KLRG1: variants seen among roughly 807,000 people sequenced by gnomAD.
The protein encoded by KLRG1 is killer cell lectin like receptor G1.
In KLRG1, 16 loss-of-function variants were observed where a neutral mutation model predicts 21.8. That is an observed-to-expected ratio of 0.73 (90% CI 0.50 to 1.11). KLRG1 has a LOEUF of 1.11. Ranked by LOEUF, KLRG1 falls within the 50% of genes most tolerant of loss-of-function variation. The pLI, the probability that KLRG1 is intolerant of heterozygous loss-of-function variation, is 0.00. For synonymous variants in KLRG1, 69 were observed against 75.9 expected (o/e 0.91, Z 0.47); for missense variants, 173 against 218.3 (o/e 0.79, Z 1.31).
At chr12:9,105,833 T>C in the KLRG1 span, among the ~76,000 whole-genome samples, 1 of 152,194 alleles carries the variant, frequency 6.6e-6, no homozygotes, top group Non-Finnish European at 1.5e-5. Flanking sequence ...CCCACCTGTT[T>C]CCATACAAAG....
At chr12:9,080,114 C>T in the KLRG1 span, 21 of 1,588,186 alleles carry the variant, frequency 1.3e-5, no homozygotes, top group African/African-American at 4.0e-5. Context: ...GACAGAAGCT[C>T]GGGCAGATTC....
the KLRG1 span, among the ~76,000 whole-genome samples, chr12:9,131,118 C>T: frequency 6.6e-6 from 1 of 152,126 alleles, no homozygotes; most frequent in East Asian, 1.9e-4. Flanking sequence ...TTTCTCGGCT[C>T]TTTATTCTAT....
chr12:9,029,080 A>T, the KLRG1 span: 4 of 465,828 alleles, frequency 8.6e-6, no homozygotes, highest in Non-Finnish European at 1.6e-5. Context: ...GGAGACTCAG[A>T]CTTAGACATG....
At chr12:9,019,169 A>G in the KLRG1 span, among the ~76,000 whole-genome samples, 4 of 152,240 alleles carry the variant, frequency 2.6e-5, no homozygotes, top group Non-Finnish European at 5.9e-5. Flanking sequence ...GGTATATGAA[A>G]AGGTACTCAA....
the KLRG1 span, chr12:9,072,623 G>A: frequency 1.2e-6 from 2 of 1,609,708 alleles, no homozygotes; most frequent in Admixed American, 1.7e-5. Flanking sequence ...GTCCTCATCT[G>A]TCCTGTCCTC....
the KLRG1 span, among the ~76,000 whole-genome samples, chr12:9,074,329 T>C: frequency 1.3e-5 from 2 of 152,096 alleles, no homozygotes; most frequent in East Asian, 1.9e-4. Context: ...TTATGGGAAA[T>C]AGGAGATGGA....
chr12:8,974,510 T>G (rs1448698159), intron 1 of KLRG1, among the ~76,000 whole-genome samples: 1 of 126,488 alleles, frequency 7.9e-6, no homozygotes, highest in Non-Finnish European at 1.8e-5. Context: ...GCTGTGGGCT[T>G]CTTTATATGG....
the KLRG1 span, among the ~76,000 whole-genome samples, chr12:9,145,709 C>T: frequency 6.6e-6 from 1 of 152,154 alleles, no homozygotes; most frequent in African/African-American, 2.4e-5. Flanking sequence ...CTCTCTTTAG[C>T]ATTTCTGGTA....
At chr12:9,009,342 T>A in intron 4 of KLRG1, 84 bp from the exon 5 acceptor site, 1 of 1,537,124 alleles carries the variant, frequency 6.5e-7, no homozygotes, top group Non-Finnish European at 8.8e-7. Context: ...AGACAGAATT[T>A]GCTTCATTTT....
the KLRG1 span, chr12:9,169,819 T>C: frequency 2.6e-6 from 1 of 380,372 alleles, no homozygotes; most frequent in African/African-American, 2.1e-5. Context: ...AAATCTTAAG[T>C]TATGAAGGAT....
the KLRG1 span, among the ~76,000 whole-genome samples, chr12:9,087,638 G>A: frequency 1.3e-5 from 2 of 152,038 alleles, no homozygotes; most frequent in Admixed American, 1.3e-4. Context: ...TTTCAAACTT[G>A]CTTAGAGAAT....
intron 1 of KLRG1, among the ~76,000 whole-genome samples, chr12:8,969,090 G>T (rs1343470105): frequency 6.6e-6 from 1 of 152,176 alleles, no homozygotes; most frequent in Non-Finnish European, 1.5e-5. Context: ...GGTAGGACAG[G>T]TAGGGGCTAA....
chr12:9,171,366 C>T, the KLRG1 span, among the ~76,000 whole-genome samples: 1 of 152,130 alleles, frequency 6.6e-6, no homozygotes, highest in Non-Finnish European at 1.5e-5. Context: ...GCAGCAGCCT[C>T]AAGGATTAAA....
the KLRG1 span, chr12:9,036,719 C>T: frequency 1.8e-5 from 5 of 282,556 alleles, no homozygotes; most frequent in South Asian, 2.1e-4. Flanking sequence ...GTGGTAAAAT[C>T]AAGTCCTCTT....
chr12:9,051,484 C>T, the KLRG1 span, among the ~76,000 whole-genome samples: 8 of 152,186 alleles, frequency 5.3e-5, no homozygotes, highest in Admixed American at 3.3e-4. Flanking sequence ...AGGCCAGCTG[C>T]GGAGAGGAGC....
At chr12:9,180,832 G>A in the KLRG1 span, 2 of 715,764 alleles carry the variant, frequency 2.8e-6, no homozygotes, top group Non-Finnish European at 4.2e-6. Flanking sequence ...CTTCTGCACA[G>A]CAAAAGAAAC....
chr12:9,046,269 T>C, the KLRG1 span, among the ~76,000 whole-genome samples: 1 of 152,144 alleles, frequency 6.6e-6, no homozygotes, highest in Non-Finnish European at 1.5e-5. Context: ...GGGACAATTA[T>C]GAAAAGTATA....
chr12:9,162,858 G>A, the KLRG1 span, among the ~76,000 whole-genome samples: 1 of 152,142 alleles, frequency 6.6e-6, no homozygotes, highest in African/African-American at 2.4e-5. Context: ...GTGGTTTGCT[G>A]CACAGATCAT....
At chr12:9,162,846 T>C in the KLRG1 span, among the ~76,000 whole-genome samples, 1 of 152,170 alleles carries the variant, frequency 6.6e-6, no homozygotes, top group Admixed American at 6.5e-5. Context: ...ATGTGTGCCA[T>C]GGTGGTTTGC....
Sources: gnomAD v4.1 joint callset for allele counts (sites outside exome capture counted in the v4.1 genomes callset) on GRCh38, gnomAD v4.1.1 for gene constraint, MANE v1.5 for transcripts, NCBI Gene and HGNC (gene_info 2026-07-23, HGNC 2026-07-21) for gene names.